The following BTBD1 variants were observed in gnomAD, a reference collection of about 807,000 sequenced individuals.
BTBD1 encodes BTB/POZ domain-containing protein 1.
A neutral mutation model predicts 48.0 loss-of-function variants in BTBD1; 34 were observed. The observed-to-expected ratio is 0.71, with a 90% CI of 0.54 to 0.94. BTBD1 has a LOEUF of 0.94. Among genes scored for constraint, BTBD1 ranks in the 40% least tolerant of loss-of-function variants. The pLI is 0.00. For missense variants in BTBD1, 543 were observed against 625.6 expected (o/e 0.87, Z 1.41); for synonymous variants, 261 against 242.1 (o/e 1.08, Z -0.72).
Position 83,044,784 on chromosome 15 carries a change from C to A in BTBD1, c.665-2859G>T, listed in dbSNP as rs935259078. ...AAAAGTAGAATAAAAATTCCATCAT[C>A]ACTTTGGACAGGAGTTAACTAATAG... On this transcript the variant is annotated intron_variant, in intron 3 of 7. Coordinates refer to ENST00000261721, the MANE Select transcript of BTBD1 (RefSeq NM_025238.4). 6.4e-6 allele frequency: 9 copies of A among 1,404,846 alleles called. No homozygotes were observed. The African/African-American group carries it at 1.3e-4, about 20-fold the overall frequency. 87.0% of individuals were successfully genotyped at this position (1,404,846 alleles called of 1,614,324 possible).
At chr15:83,034,689 A>T (rs1215883226) in intron 4 of BTBD1, among the ~76,000 whole-genome samples, 1 of 152,132 alleles carries the variant, frequency 6.6e-6, no homozygotes, top group Non-Finnish European at 1.5e-5. Flanking sequence ...AAAGAAGCAA[A>T]TTCAATATAA....
intron 4 of BTBD1, among the ~76,000 whole-genome samples, chr15:83,031,956 G>T (rs2032525817): frequency 6.6e-6 from 1 of 152,094 alleles, no homozygotes; most frequent in African/African-American, 2.4e-5. Flanking sequence ...GGTGAAAAGG[G>T]AACTCTTTTA....
Position 83,056,422 on chromosome 15 carries a change from A to G in BTBD1, c.525T>C (p.Leu175=). 1.2e-6 allele frequency: 2 copies of G among 1,613,524 alleles called. No individual in the cohort carries two copies. Among genetic ancestry groups the G allele is most frequent in the Non-Finnish European group, 1.7e-6 (2 of 1,179,502 alleles). The change falls in exon 2 of 8, where the codon CTT becomes CTC. Residue 175 remains leucine, a synonymous_variant. Transcript: ENST00000261721. ...AHCVEFLTKH[L]RADNAFMLLT... is the part of the protein sequence containing the mutation. ...GTAACATAAAGGCATTATCTGCCCT[A>G]AGATGTTTGGTGAGAAATTCTACAC... is the stretch of plus-strand genomic sequence containing the variant.
At chr15:83,046,514 T>C (rs1443910334) in intron 3 of BTBD1, among the ~76,000 whole-genome samples, 1 of 152,218 alleles carries the variant, frequency 6.6e-6, no homozygotes, top group East Asian at 1.9e-4. Flanking sequence ...GCTTCTACCC[T>C]GTACAAGGCA....
intron 1 of BTBD1, among the ~76,000 whole-genome samples, chr15:83,060,836 A>G (rs2033164714): frequency 6.6e-6 from 1 of 152,168 alleles, no homozygotes; most frequent in Non-Finnish European, 1.5e-5. Context: ...TAAAAGCCTA[A>G]GGTGAATACT....
Position 83,041,823 on chromosome 15 carries a change from T to G in BTBD1, c.767A>C (p.Gln256Pro). 3.1e-6 allele frequency: 5 copies of G among 1,614,208 alleles called. No homozygotes were observed. The highest frequency in any genetic ancestry group is 4.2e-6 in the Non-Finnish European group (5 of 1,180,012). Reference sequence around the variant, plus strand: ...TTTATTCCCAAAAGTCACAGGTAATTGTTGTCTCTGACATTCTGCTTCTGC... The same window carrying G: ...TTTATTCCCAAAAGTCACAGGTAATGGTTGTCTCTGACATTCTGCTTCTGC... ...RWAEAECQRQ[Q>P]LPVTFGNKQK... The change falls in exon 4 of 8, where the codon CAA (glutamine) becomes CCA (proline). Residue 256 changes from glutamine (Q) to proline (P), a missense_variant. Transcript: ENST00000261721.
chr15:83,045,739 C>T (rs765340051), intron 3 of BTBD1, among the ~76,000 whole-genome samples: 8 of 152,094 alleles, frequency 5.3e-5, no homozygotes, highest in Admixed American at 1.3e-4. Context: ...TATGGCACCA[C>T]GAAGCCCTTT....
At chr15:83,044,136 ACACTT>A (rs2032824009) in intron 3 of BTBD1, among the ~76,000 whole-genome samples, 1 of 152,236 alleles carries the variant, frequency 6.6e-6, no homozygotes, top group East Asian at 1.9e-4. Context: ...TAAAAAAACA[ACACTT>A]CACAGACCTG....
intron 4 of BTBD1, among the ~76,000 whole-genome samples, chr15:83,034,409 T>A (rs1270973568): frequency 2.6e-5 from 4 of 151,916 alleles, no homozygotes; most frequent in African/African-American, 9.7e-5. Context: ...AGGCCAGGAG[T>A]TCGAGACTAG....
At chr15:83,025,888 G>A (rs2032396061) in intron 5 of BTBD1, among the ~76,000 whole-genome samples, 1 of 152,016 alleles carries the variant, frequency 6.6e-6, no homozygotes, top group Admixed American at 6.6e-5. Flanking sequence ...TCCTGTCTCA[G>A]CCTCCCGAGT....
rs752330953 is a variant in BTBD1 at position 83,020,739 on chromosome 15, G to A, written c.1079C>T (p.Ser360Phe). ...TCCATACAAGCCAAATCCAACTATA[G>A]AGATCCTTCTATTAACTGTGAATCT... ...RIRFTVNRRI[S>F]IVGFGLYGSI... is the part of the protein sequence containing the mutation. The change falls in exon 6 of 8, where the codon TCT becomes TTT. Residue 360 changes from serine (S) to phenylalanine (F), a missense_variant. Physicochemically the swap from Ser to Phe is radical, Grantham distance 155. Transcript: ENST00000261721. The A allele has an allele frequency of 6.2e-7, 1 of 1,604,786 alleles. No homozygotes were observed. Among genetic ancestry groups the A allele is most frequent in the Admixed American group, 1.7e-5 (1 of 59,860 alleles).
intron 2 of BTBD1, among the ~76,000 whole-genome samples, chr15:83,051,147 C>G (rs1234043544): frequency 1.3e-5 from 2 of 151,922 alleles, no homozygotes; most frequent in African/African-American, 4.8e-5. Flanking sequence ...AATGACCAAC[C>G]TTTCATTCTG....
intron 5 of BTBD1, 59 bp from the exon 6 acceptor site, chr15:83,020,821 G>T (rs2032280659): frequency 1.8e-6 from 2 of 1,123,096 alleles, no homozygotes; most frequent in Non-Finnish European, 2.6e-6. Context: ...TATTCTGAAG[G>T]GTTATAATTT....
At chr15:83,032,147 C>T (rs1049157756) in intron 4 of BTBD1, among the ~76,000 whole-genome samples, 1 of 151,862 alleles carries the variant, frequency 6.6e-6, no homozygotes, top group African/African-American at 2.4e-5. Flanking sequence ...ATGGTGAAAC[C>T]CCATCTCTAA....
chr15:83,052,582 A>G (rs746178270), intron 2 of BTBD1, among the ~76,000 whole-genome samples: 1 of 151,642 alleles, frequency 6.6e-6, no homozygotes, highest in Non-Finnish European at 1.5e-5. Context: ...ATACATTTTC[A>G]AGTTATGAAG....
intron 5 of BTBD1, among the ~76,000 whole-genome samples, chr15:83,028,040 G>A (rs559592813): frequency 2.7e-4 from 41 of 152,202 alleles, no homozygotes; most frequent in African/African-American, 9.4e-4. Context: ...TTTTATTTCA[G>A]GTTAGTAAAG....
intron 3 of BTBD1, among the ~76,000 whole-genome samples, chr15:83,042,345 A>ATT (rs772214886): frequency 0.069 from 5,222 of 76,052 alleles, 184 homozygotes; most frequent in Middle Eastern, 0.12. Context: ...CTATTAGGCA[A>ATT]TTTTATATAT....
intron 4 of BTBD1, among the ~76,000 whole-genome samples, chr15:83,036,696 G>A (rs1596432768): frequency 6.6e-6 from 1 of 152,106 alleles, no homozygotes; most frequent in Non-Finnish European, 1.5e-5. Flanking sequence ...ATAAATCATG[G>A]CACAGTTGTA....
Position 83,056,417 on chromosome 15 carries a change from G to T in BTBD1, c.530C>A (p.Ala177Glu). The T allele has an allele frequency of 6.2e-7, 1 of 1,613,304 alleles. No individual in the cohort carries two copies. The highest frequency in any genetic ancestry group is 8.5e-7 in the Non-Finnish European group (1 of 1,179,386). The change falls in exon 2 of 8, where the codon GCA (alanine) becomes GAA (glutamate). Residue 177 changes from alanine to glutamate, a missense_variant. Physicochemically the swap from Ala to Glu is moderately radical, Grantham distance 107. Coordinates refer to ENST00000261721, the MANE Select transcript of BTBD1 (RefSeq NM_025238.4). ...CVEFLTKHLR[A>E]DNAFMLLTQA... is the part of the protein sequence containing the mutation. ...AGTAAGTAACATAAAGGCATTATCT[G>T]CCCTAAGATGTTTGGTGAGAAATTC... is the stretch of plus-strand genomic sequence containing the variant.
Sources: allele counts gnomAD v4.1 joint callset (sites outside exome capture counted in the v4.1 genomes callset), GRCh38; gene constraint gnomAD v4.1.1; transcripts MANE v1.5; gene names NCBI Gene and HGNC (gene_info 2026-07-23, HGNC 2026-07-21).